The following EDEM3 variants were observed in gnomAD, a reference collection of about 807,000 sequenced individuals.
EDEM3 encodes the protein ER degradation-enhancing alpha-mannosidase-like protein 3.
A neutral mutation model predicts 110.2 loss-of-function variants in EDEM3; 60 were observed. That is an observed-to-expected ratio of 0.54 (90% CI 0.44 to 0.67). The LOEUF is 0.67. Ranked by LOEUF, EDEM3 falls within the 30% of genes least tolerant of loss-of-function variation. The pLI is 0.00. For synonymous variants in EDEM3, 352 were observed against 382.9 expected, an observed-to-expected ratio of 0.92 and a Z score of 0.94; for missense variants, 996 against 1,121.0, an observed-to-expected ratio of 0.89 and a Z score of 1.59.
intron 17 of EDEM3, 33 bp from the exon 18 acceptor site, chr1:184,706,841 A>G: frequency 6.2e-7 from 1 of 1,602,012 alleles, no homozygotes; most frequent in African/African-American, 1.3e-5. Flanking sequence ...AAATACTTTA[A>G]TCTTCTCAAA....
At chr1:184,739,383 ATTTT>A (rs967938671) in intron 2 of EDEM3, among the ~76,000 whole-genome samples, 17 of 150,124 alleles carry the variant, frequency 1.1e-4, no homozygotes, top group Non-Finnish European at 2.4e-4. Flanking sequence ...AATTTTAATT[ATTTT>A]ATCATTAAAA....
chr1:184,706,885 G>T, intron 17 of EDEM3, 77 bp from the exon 18 acceptor site: 1 of 1,429,896 alleles, frequency 7.0e-7, no homozygotes, highest in Non-Finnish European at 9.5e-7. Context: ...AATATCTAGA[G>T]TTTTAAAAGA....
intron 13 of EDEM3, among the ~76,000 whole-genome samples, chr1:184,716,316 C>A (rs1309530180): frequency 6.6e-6 from 1 of 152,122 alleles, no homozygotes; most frequent in Non-Finnish European, 1.5e-5. Flanking sequence ...GATGTGATAA[C>A]CAGATAAGTG....
chr1:184,727,313 T>C (rs536286548), intron 6 of EDEM3, among the ~76,000 whole-genome samples: 2 of 152,206 alleles, frequency 1.3e-5, no homozygotes, highest in Admixed American at 1.3e-4. Context: ...CTGGATTAAC[T>C]AGACTCAAAC....
At chr1:184,703,880 G>T (rs573479572) in intron 18 of EDEM3, among the ~76,000 whole-genome samples, 1 of 152,184 alleles carries the variant, frequency 6.6e-6, no homozygotes, top group Non-Finnish European at 1.5e-5. Flanking sequence ...GAATGACACA[G>T]ACTTAGGGGC....
At chr1:184,740,487 T>C (rs554592571) in intron 2 of EDEM3, among the ~76,000 whole-genome samples, 4 of 152,338 alleles carry the variant, frequency 2.6e-5, no homozygotes, top group Admixed American at 1.3e-4. Flanking sequence ...GTAAATAACA[T>C]GCTCATCATG....
chr1:184,694,526 A>G (rs989588279), intron 19 of EDEM3, 54 bp from the exon 20 acceptor site: 19 of 1,475,252 alleles, frequency 1.3e-5, no homozygotes, highest in African/African-American at 2.8e-5. Context: ...ATGTACTATT[A>G]CACTTTCCAA....
chr1:184,733,280 C>T (rs1189526003), intron 5 of EDEM3, among the ~76,000 whole-genome samples: 1 of 152,094 alleles, frequency 6.6e-6, no homozygotes, highest in Non-Finnish European at 1.5e-5. Context: ...ACAAATCTAA[C>T]AAATATTTTA....
Position 184,717,603 on chromosome 1 carries a change from T to G in EDEM3, c.1182A>C (p.Arg394Ser). ...TTAAAGGATGTTGAGCCCAGTGTAC[T>G]CTGAAATCTGTGGTAAATGCCTGAA... ...FLPEAFTTDFRVHWAQHPLRP... is the reference protein window; with the variant it reads ...FLPEAFTTDFSVHWAQHPLRP... Residue 394 changes from arginine (R) to serine (S), a missense_variant, in exon 12 of 20, where the codon AGA becomes AGC. Arg to Ser is a moderately radical substitution (Grantham distance 110, BLOSUM62 -1). Transcript: ENST00000318130. 1 of 1,603,286 alleles carries G rather than the reference T, an allele frequency of 6.2e-7. No individual in the cohort carries two copies. The highest frequency in any genetic ancestry group is 8.5e-7 in the Non-Finnish European group (1 of 1,175,970).
At chr1:184,740,287 T>C (rs1177699015) in intron 2 of EDEM3, among the ~76,000 whole-genome samples, 3 of 152,150 alleles carry the variant, frequency 2.0e-5, no homozygotes, top group East Asian at 3.9e-4. Flanking sequence ...CCCCTCAATA[T>C]AGGATTTTTG....
At chr1:184,706,501 A>G (rs1277733060) in intron 18 of EDEM3, 142 bp downstream of exon 18, 2 of 614,768 alleles carry the variant, frequency 3.3e-6, no homozygotes, top group Non-Finnish European at 5.2e-6. Context: ...ATTAAAAGTC[A>G]TTGGATTACC....
In EDEM3 at chr1:184,754,723, G is replaced by A; in HGVS notation, c.-77C>T. ...ATTGCTGGACGCTGGTGGCCAGGGG[G>A]CTGCTAGCCGTGCCGAGACGGGGCG... On this transcript the variant is annotated 5_prime_UTR_variant, in exon 1 of 20. Transcript: ENST00000318130. 3 of 1,432,374 alleles carry A rather than the reference G, an allele frequency of 2.1e-6. No individual in the cohort carries two copies. In the South Asian group the frequency reaches 4.4e-5, roughly 21 times the overall value. 88.7% of individuals were successfully genotyped at this position (1,432,374 alleles called of 1,614,324 possible). A position where few individuals can be genotyped will look rare whatever the true frequency, so the allele number is the denominator to read the frequency against.
chr1:184,701,594 T>C, intron 19 of EDEM3: 1 of 1,185,186 alleles, frequency 8.4e-7, no homozygotes, highest in Non-Finnish European at 1.1e-6. Flanking sequence ...GCAAATGCAT[T>C]AAAGAGTTAC....
Position 184,737,008 on chromosome 1 carries a change from A to G in EDEM3, c.345+17T>C, listed in dbSNP as rs773600876. 2.5e-6 allele frequency: 4 copies of G among 1,605,514 alleles called. No individual in the cohort carries two copies. In the African/African-American group the frequency reaches 5.4e-5, roughly 21 times the overall value. On this transcript the variant is annotated intron_variant, in intron 4 of 19. Coordinates refer to ENST00000318130, the MANE Select transcript of EDEM3 (RefSeq NM_025191.4). ...GCATATCATGAATAAAATAAATCCA[A>G]GAAGAGTCAAACCTACCACAAGAGT... is the stretch of plus-strand genomic sequence containing the variant.
At chr1:184,736,205 A>C (rs1651813050) in intron 4 of EDEM3, among the ~76,000 whole-genome samples, 1 of 152,100 alleles carries the variant, frequency 6.6e-6, no homozygotes, top group Admixed American at 6.5e-5. Flanking sequence ...TTTAAATCAC[A>C]AGTGAACCTC....
At chr1:184,722,644 T>C (rs1650965686) in intron 8 of EDEM3, among the ~76,000 whole-genome samples, 1 of 151,898 alleles carries the variant, frequency 6.6e-6, no homozygotes, top group Admixed American at 6.6e-5. Flanking sequence ...TTTCTGTCAT[T>C]TAGATGACAC....
intron 6 of EDEM3, among the ~76,000 whole-genome samples, chr1:184,728,899 C>A (rs868679773): frequency 6.6e-6 from 1 of 152,140 alleles, no homozygotes; most frequent in Non-Finnish European, 1.5e-5. Context: ...TGAGCCACTG[C>A]GCCCAGCCAG....
In EDEM3 at chr1:184,716,926, A is replaced by T; in HGVS notation, c.1332T>A (p.Ala444=). Residue 444 remains alanine, a synonymous_variant, in exon 13 of 20, where the codon GCT becomes GCA. Transcript: ENST00000318130. Reference sequence around the variant, plus strand: ...TTCCAGTACGAACATCCTTCATGGCAGCAAATCCGCAAGGCACTCTAGCAT... The same window carrying T: ...TTCCAGTACGAACATCCTTCATGGCTGCAAATCCGCAAGGCACTCTAGCAT... ...NKYARVPCGF[A]AMKDVRTGSH... 3.1e-6 allele frequency: 5 copies of T among 1,613,432 alleles called. No homozygotes were observed. The highest frequency in any genetic ancestry group is 4.2e-6 in the Non-Finnish European group (5 of 1,179,452).
At chr1:184,727,484 ACTCT>A (rs1410339773) in intron 6 of EDEM3, among the ~76,000 whole-genome samples, 2 of 152,142 alleles carry the variant, frequency 1.3e-5, no homozygotes, top group Non-Finnish European at 2.9e-5. Flanking sequence ...TATTATTCAA[ACTCT>A]ATATAAAGAG....
Sources: gnomAD v4.1 joint callset for allele counts (sites outside exome capture counted in the v4.1 genomes callset) on GRCh38, gnomAD v4.1.1 for gene constraint, MANE v1.5 for transcripts, NCBI Gene and HGNC (gene_info 2026-07-23, HGNC 2026-07-21) for gene names.